KCNN3: variants seen among roughly 807,000 people sequenced by gnomAD.
KCNN3 encodes the protein small conductance calcium-activated potassium channel protein 3.
In KCNN3, 16 loss-of-function variants were observed where a neutral mutation model predicts 62.9. The ratio of observed to expected loss-of-function variants is 0.25; its 90% confidence interval spans 0.17 to 0.39. KCNN3 has a LOEUF of 0.39. Among genes scored for constraint, KCNN3 ranks in the 10% least tolerant of loss-of-function variants. The probability of loss-of-function intolerance (pLI) is 1.00; values close to 1 mark genes in which losing one functional copy is unlikely to be tolerated. For missense variants in KCNN3, 599 were observed against 949.4 expected, an observed-to-expected ratio of 0.63 and a Z score of 4.85; for synonymous variants, 370 against 389.2, an observed-to-expected ratio of 0.95 and a Z score of 0.58.
intron 2 of KCNN3, among the ~76,000 whole-genome samples, chr1:154,813,572 C>G (rs74115884): frequency 0.066 from 9,998 of 152,176 alleles, 529 homozygotes; most frequent in African/African-American, 0.14. Context: ...CTCCCCACCC[C>G]GTCCTGAACT....
rs1380129704 is a variant in KCNN3 at position 154,812,140 on chromosome 1, C to A, written c.1029+9949G>T. 2.0e-5 allele frequency among the ~76,000 whole-genome samples: 3 copies of A among 152,288 alleles called. No individual in the cohort carries two copies. The East Asian group carries it at 5.8e-4, about 29-fold the overall frequency. ...GCACACCCCTGATTGAGAACCGCTGCCACGGGGGAAATGATCATCATTGAA... is the reference window on the plus strand; with the variant it reads ...GCACACCCCTGATTGAGAACCGCTGACACGGGGGAAATGATCATCATTGAA... On this transcript the variant is annotated intron_variant, in intron 2 of 7. Coordinates refer to ENST00000271915, the MANE Select transcript of KCNN3 (RefSeq NM_002249.6).
At position 154,702,064 on chromosome 1, in the gene KCNN3, T is replaced by C. The variant is rs1699865852; in HGVS notation, c.*5912A>G. The C allele has an allele frequency of 6.6e-6, 1 of 152,122 alleles. No individual in the cohort carries two copies. The highest frequency in any genetic ancestry group is 2.4e-5 in the African/African-American group (1 of 41,430). The allele number at this position is 152,122 out of a possible 1,614,324, so 9.4% of individuals were successfully genotyped here. ...CTTTTAAAATCTCTTCTGAAATGGCTTGATAGAATTTAGGGTAGAATTATT... is the reference window on the plus strand; with the variant it reads ...CTTTTAAAATCTCTTCTGAAATGGCCTGATAGAATTTAGGGTAGAATTATT... On this transcript the variant is annotated 3_prime_UTR_variant, in exon 8 of 8. Transcript: ENST00000271915.
At chr1:154,852,377 T>A (rs928716058) in intron 1 of KCNN3, among the ~76,000 whole-genome samples, 22 of 151,490 alleles carry the variant, frequency 1.5e-4, no homozygotes, top group Non-Finnish European at 3.1e-4. Flanking sequence ...TAATTTTTTT[T>A]TTTTTTTTTT....
chr1:154,721,025 TAGG>T lies in KCNN3; in HGVS notation c.1701+4888_1701+4890del, dbSNP rs1180648543. ...GATGTCAGGAGCACACCAGGGAAGTTAGGAGAAGGAAATAGTTTAGGGAAGTTG... is the reference window on the plus strand; with the variant it reads ...GATGTCAGGAGCACACCAGGGAAGTTAGAAGGAAATAGTTTAGGGAAGTTG... On this transcript the variant is annotated intron_variant, in intron 5 of 7. Coordinates refer to ENST00000271915, the MANE Select transcript of KCNN3 (RefSeq NM_002249.6). 9.2e-5 allele frequency among the ~76,000 whole-genome samples: 14 copies of T among 152,136 alleles called. No homozygotes were observed. In the South Asian group the frequency reaches 2.1e-3, roughly 23 times the overall value.
chr1:154,714,228 TGG>T (rs1557938045), intron 6 of KCNN3, among the ~76,000 whole-genome samples: 5,724 of 130,470 alleles, frequency 0.044, no homozygotes, highest in Non-Finnish European at 0.051. Context: ...ATGGTGTGTG[TGG>T]GGTGTGTGCG....
rs534102990 is a variant in KCNN3, at chr1:154,869,217, C to T, written c.748G>A (p.Ala250Thr). The T allele has an allele frequency of 6.4e-5, 103 of 1,614,024 alleles. 1 individual carries two copies. The highest frequency in any genetic ancestry group is 8.2e-5 in the Non-Finnish European group (97 of 1,179,998). Residue 250 changes from alanine to threonine, a missense_variant, in exon 1 of 8, where the codon GCC becomes ACC. Physicochemically the swap from Ala to Thr is moderately conservative, Grantham distance 58. Around this residue, in one of 7 missense-constraint regions of KCNN3, gnomAD observed 80 missense variants for 85.4 expected, o/e 0.94. Transcript: ENST00000271915. This position sits in a 1 kb window ranked among gnomAD's most constrained non-coding sequence, Gnocchi z 6.1. ...GCTTTGGGGAAGGTGGTGCTGCTGG[C>T]GGTGGTGCCGGCATGCTGGTGGTTG... ...THNHQHAGTT[A>T]SSTTFPKANK...
intron 1 of KCNN3, among the ~76,000 whole-genome samples, chr1:154,831,306 G>C (rs191145270): frequency 2.0e-4 from 31 of 152,318 alleles, no homozygotes; most frequent in African/African-American, 7.5e-4. Flanking sequence ...CAGAATGGGA[G>C]CAGAAGGGTT....
chr1:154,761,663 G>A (rs1013067029), intron 3 of KCNN3, among the ~76,000 whole-genome samples: 1 of 152,126 alleles, frequency 6.6e-6, no homozygotes, highest in Admixed American at 6.5e-5. Flanking sequence ...TTTAGGCCGG[G>A]CGCGGTGGCT....
At chr1:154,853,954 A>C (rs1480231443) in intron 1 of KCNN3, among the ~76,000 whole-genome samples, 1 of 151,604 alleles carries the variant, frequency 6.6e-6, no homozygotes, top group African/African-American at 2.4e-5. Flanking sequence ...ACAAAAAAAA[A>C]GCTGGGCGCG....
At chr1:154,821,860 C>T (rs1428415649) in intron 2 of KCNN3, among the ~76,000 whole-genome samples, 2 of 152,204 alleles carry the variant, frequency 1.3e-5, no homozygotes, top group East Asian at 3.9e-4. Flanking sequence ...TCTGGGATCC[C>T]CACTTTGAAG....
At chr1:154,723,364 G>A (rs1192340914) in intron 5 of KCNN3, among the ~76,000 whole-genome samples, 2 of 152,182 alleles carry the variant, frequency 1.3e-5, no homozygotes, top group South Asian at 2.1e-4. Flanking sequence ...TCAGAAAAGT[G>A]AGATGTTATT....
At chr1:154,723,492 A>T (rs552331919) in intron 5 of KCNN3, among the ~76,000 whole-genome samples, 5 of 152,350 alleles carry the variant, frequency 3.3e-5, no homozygotes, top group African/African-American at 1.2e-4. Context: ...TTTTTGAAAG[A>T]TTAAAATTAG....
At chr1:154,813,140 C>T (rs1358790328) in intron 2 of KCNN3, among the ~76,000 whole-genome samples, 32 of 151,698 alleles carry the variant, frequency 2.1e-4, no homozygotes, top group Non-Finnish European at 3.2e-4. Context: ...CCTGGCCTCT[C>T]GTCCCATGTA....
Position 154,859,996 on chromosome 1 carries a change from G to T in KCNN3, c.933+9036C>A, listed in dbSNP as rs548620379. On this transcript the variant is annotated intron_variant, in intron 1 of 7. Transcript: ENST00000271915. ...AAGGCTCTGCTCAGAATACAACTCT[G>T]GTTACCCTGTGCCCAGGGCTTGTGA... 4 of 246,520 alleles carry T rather than the reference G, an allele frequency of 1.6e-5. No individual in the cohort carries two copies. The East Asian group carries it at 5.4e-4, about 33-fold the overall frequency. The allele number at this position is 246,520 out of a possible 1,614,324, so 15.3% of individuals were successfully genotyped here.
At chr1:154,798,112 G>A (rs947500728) in intron 2 of KCNN3, among the ~76,000 whole-genome samples, 4 of 152,142 alleles carry the variant, frequency 2.6e-5, no homozygotes, top group African/African-American at 7.2e-5. Flanking sequence ...CTGGGACAGG[G>A]TAGATATTGC....
At chr1:154,726,682 G>A (rs879550856) in intron 4 of KCNN3, among the ~76,000 whole-genome samples, 10 of 152,214 alleles carry the variant, frequency 6.6e-5, no homozygotes, top group Non-Finnish European at 1.0e-4. Context: ...ACAAGGAATC[G>A]GTTCCTTCCT....
At chr1:154,785,224 G>A (rs978700689) in intron 2 of KCNN3, among the ~76,000 whole-genome samples, 4 of 152,204 alleles carry the variant, frequency 2.6e-5, no homozygotes, top group African/African-American at 4.8e-5. Context: ...GGGCTGCTGG[G>A]CCCTGATTGG....
At chr1:154,752,083 G>T (rs1043030159) in intron 3 of KCNN3, among the ~76,000 whole-genome samples, 1 of 152,160 alleles carries the variant, frequency 6.6e-6, no homozygotes, top group Non-Finnish European at 1.5e-5. Flanking sequence ...TCCTCGAAAG[G>T]CCTCCTTTAT....
At chr1:154,717,725 A>T (rs1284039206) in intron 5 of KCNN3, among the ~76,000 whole-genome samples, 2 of 152,204 alleles carry the variant, frequency 1.3e-5, no homozygotes, top group Non-Finnish European at 2.9e-5. Flanking sequence ...GCCTCCGTGC[A>T]TTCGGGAAAG....
Sources: allele counts gnomAD v4.1 joint callset (sites outside exome capture counted in the v4.1 genomes callset), GRCh38; gene constraint gnomAD v4.1.1; regional missense constraint gnomAD v4.1.1; non-coding constraint Gnocchi (gnomAD v3.1); transcripts MANE v1.5; gene names NCBI Gene and HGNC (gene_info 2026-07-23, HGNC 2026-07-21).